ASTN2: variants seen among roughly 807,000 people sequenced by gnomAD.
ASTN2 encodes the protein astrotactin 2.
ASTN2 carries 54 observed loss-of-function variants against 139.8 expected under a neutral mutation model. That is an observed-to-expected ratio of 0.39 (90% CI 0.31 to 0.48). ASTN2 has a LOEUF of 0.48. Ranked by LOEUF, ASTN2 falls within the 20% of genes least tolerant of loss-of-function variation. The pLI, the probability that ASTN2 is intolerant of heterozygous loss-of-function variation, is 0.95. For missense variants in ASTN2, 1,565 were observed against 1,725.1 expected, an observed-to-expected ratio of 0.91 and a Z score of 1.64; for synonymous variants, 756 against 719.5, an observed-to-expected ratio of 1.05 and a Z score of -0.81.
chr9:116,492,383 G>T (rs1849542955), intron 19 of ASTN2, among the ~76,000 whole-genome samples: 1 of 152,056 alleles, frequency 6.6e-6, no homozygotes, highest in Non-Finnish European at 1.5e-5. Flanking sequence ...TGAGAGCCTT[G>T]TTTTTCTTAT....
chr9:117,155,040 A>T (rs1439996372), intron 3 of ASTN2, among the ~76,000 whole-genome samples: 1 of 151,798 alleles, frequency 6.6e-6, no homozygotes, highest in African/African-American at 2.4e-5. Context: ...GAGCAAAAGA[A>T]GAGTGTGGAG....
chr9:117,310,546 G>T (rs1042620520), intron 1 of ASTN2, among the ~76,000 whole-genome samples: 1 of 152,154 alleles, frequency 6.6e-6, no homozygotes, highest in Non-Finnish European at 1.5e-5. Context: ...CCAACCAAGA[G>T]CAGCCCTTAG....
intron 2 of ASTN2, among the ~76,000 whole-genome samples, chr9:117,241,744 A>G (rs1293991227): frequency 2.0e-5 from 3 of 152,086 alleles, no homozygotes; most frequent in African/African-American, 7.2e-5. Flanking sequence ...GGGTTTGGGG[A>G]CCACTTCTGT....
intron 1 of ASTN2, among the ~76,000 whole-genome samples, chr9:117,334,076 T>G (rs1828798772): frequency 6.6e-6 from 1 of 152,120 alleles, no homozygotes; most frequent in Non-Finnish European, 1.5e-5. Context: ...GATCATATGG[T>G]TTTCCACAAT....
intron 7 of ASTN2, among the ~76,000 whole-genome samples, chr9:116,977,778 G>A (rs1475715017): frequency 8.2e-5 from 12 of 145,640 alleles, no homozygotes; most frequent in East Asian, 2.0e-4. Context: ...GTGCAGTGAC[G>A]TGATCTCGGC....
intron 10 of ASTN2, among the ~76,000 whole-genome samples, chr9:116,914,553 A>C (rs1017519470): frequency 2.7e-5 from 4 of 147,956 alleles, no homozygotes; most frequent in East Asian, 2.0e-4. Flanking sequence ...GTGTTTTATT[A>C]TTATTATTAT....
intron 19 of ASTN2, among the ~76,000 whole-genome samples, chr9:116,517,726 G>A (rs1293995776): frequency 1.3e-5 from 2 of 152,112 alleles, no homozygotes; most frequent in African/African-American, 4.8e-5. Context: ...ACCAGAGAAA[G>A]GTGAAGTCCA....
chr9:116,465,140 T>C (rs1365845102), intron 20 of ASTN2, among the ~76,000 whole-genome samples: 1 of 152,206 alleles, frequency 6.6e-6, no homozygotes, highest in Non-Finnish European at 1.5e-5. Context: ...TCCAAGTCTG[T>C]CTGCCTCCAC....
chr9:117,295,150 C>T (rs1834697468), intron 1 of ASTN2, among the ~76,000 whole-genome samples: 1 of 151,896 alleles, frequency 6.6e-6, no homozygotes, highest in Admixed American at 6.6e-5. Flanking sequence ...GGTGAAAGCC[C>T]ATCTCTACTA....
chr9:117,327,961 T>G (rs925961386), intron 1 of ASTN2, among the ~76,000 whole-genome samples: 1 of 152,132 alleles, frequency 6.6e-6, no homozygotes, highest in Non-Finnish European at 1.5e-5. Context: ...GTTTGTTCTA[T>G]CTAATTTTCA....
At chr9:116,643,918 G>A (rs545119682) in intron 17 of ASTN2, among the ~76,000 whole-genome samples, 2 of 152,336 alleles carry the variant, frequency 1.3e-5, no homozygotes, top group Non-Finnish European at 2.9e-5. Flanking sequence ...AGTAGCATAT[G>A]TGTCCTTGTT....
At chr9:117,119,167 G>A (rs957285863) in intron 4 of ASTN2, among the ~76,000 whole-genome samples, 1 of 152,150 alleles carries the variant, frequency 6.6e-6, no homozygotes, top group Admixed American at 6.5e-5. Context: ...AAGAAAAATT[G>A]TAAATTGCCC....
chr9:116,661,484 T>C (rs1461955135), intron 16 of ASTN2, among the ~76,000 whole-genome samples: 2 of 151,982 alleles, frequency 1.3e-5, no homozygotes, highest in South Asian at 2.1e-4. Context: ...GGGGGGAAAA[T>C]ATGAATAACA....
intron 1 of ASTN2, among the ~76,000 whole-genome samples, chr9:117,293,134 G>T (rs1360073780): frequency 5.9e-5 from 9 of 152,062 alleles, no homozygotes; most frequent in African/African-American, 2.2e-4. Context: ...AGCCATCCTT[G>T]ACAGCTTGCT....
At chr9:117,295,603 A>G (rs1587921438) in intron 1 of ASTN2, among the ~76,000 whole-genome samples, 1 of 152,006 alleles carries the variant, frequency 6.6e-6, no homozygotes, top group Non-Finnish European at 1.5e-5. Flanking sequence ...ATATATATAT[A>G]TATTTCAGTG....
chr9:116,846,996 A>G (rs1399074456), intron 11 of ASTN2, among the ~76,000 whole-genome samples: 1 of 130,738 alleles, frequency 7.6e-6, no homozygotes, highest in Non-Finnish European at 1.6e-5. Context: ...ATAAAGCCTT[A>G]GCTTCATTCT....
At chr9:116,621,381 T>C (rs1405891380) in intron 17 of ASTN2, among the ~76,000 whole-genome samples, 1 of 151,768 alleles carries the variant, frequency 6.6e-6, no homozygotes, top group Non-Finnish European at 1.5e-5. Flanking sequence ...TTCTATTTAA[T>C]TGGAATGTGC....
In ASTN2 at chr9:117,023,221, T is replaced by C. The variant is rs554489208; in HGVS notation, c.1424-14962A>G. On this transcript the variant is annotated intron_variant, in intron 6 of 22. Transcript: ENST00000313400. The stretch of plus-strand genomic sequence containing the variant: ...CTTGCTCTACTTTCCTCCGTGTCCT[T>C]GTCCACAGAAAGGAAAGAGAATGCC... 4.6e-5 allele frequency among the ~76,000 whole-genome samples: 7 copies of C among 152,262 alleles called. No homozygotes were observed. In the South Asian group the frequency reaches 1.5e-3, roughly 32 times the overall value.
intron 17 of ASTN2, among the ~76,000 whole-genome samples, chr9:116,646,348 C>G (rs188492967): frequency 9.9e-4 from 150 of 152,186 alleles, no homozygotes; most frequent in East Asian, 2.3e-3. Context: ...AGTGTGAAAG[C>G]CCAGGCCCCT....
Sources: gnomAD v4.1 joint callset for allele counts (sites outside exome capture counted in the v4.1 genomes callset) on GRCh38, gnomAD v4.1.1 for gene constraint, MANE v1.5 for transcripts, NCBI Gene and HGNC (gene_info 2026-07-23, HGNC 2026-07-21) for gene names.